Variants in FBXO42 observed in about 807,000 individuals in gnomAD.
FBXO42 encodes the protein F-box protein 42, also known as F-box only protein 42.
Under a neutral mutation model 71.7 loss-of-function variants are expected in FBXO42, and 12 were observed. The ratio of observed to expected loss-of-function variants is 0.17; its 90% CI spans 0.11 to 0.27. The LOEUF (loss-of-function observed/expected upper bound fraction) is 0.27, where lower values mean the gene tolerates loss of function less well. FBXO42 is among the 10% of genes least tolerant of loss of function. The pLI is 1.00. For missense variants in FBXO42, 707 were observed against 911.9 expected, an observed-to-expected ratio of 0.78 and a Z score of 2.89; for synonymous variants, 325 against 327.5, an observed-to-expected ratio of 0.99 and a Z score of 0.08.
chr1:16,253,849 A>G, intron 6 of FBXO42, 118 bp from the exon 7 acceptor site: 1 of 844,806 alleles, frequency 1.2e-6, no homozygotes, highest in Non-Finnish European at 1.9e-6. Context: ...TTTCACTTTC[A>G]CAGACTGTGT....
At chr1:16,350,152 A>C (rs942577915) in intron 1 of FBXO42, among the ~76,000 whole-genome samples, 1 of 152,144 alleles carries the variant, frequency 6.6e-6, no homozygotes, top group African/African-American at 2.4e-5. Context: ...TCTTTTTGTA[A>C]CTAAGGTAAG....
At chr1:16,333,142 C>T (rs2082517863) in intron 1 of FBXO42, among the ~76,000 whole-genome samples, 1 of 152,096 alleles carries the variant, frequency 6.6e-6, no homozygotes, top group African/African-American at 2.4e-5. Flanking sequence ...TTAAGTATTC[C>T]TCTGACCTTC....
intron 4 of FBXO42, among the ~76,000 whole-genome samples, chr1:16,260,239 C>T (rs867644179): frequency 1.5e-4 from 21 of 143,180 alleles, no homozygotes; most frequent in African/African-American, 5.5e-4. Flanking sequence ...GACAGAATCT[C>T]ACTCTGTCAC....
intron 2 of FBXO42, 73 bp downstream of exon 2, chr1:16,315,096 C>G: frequency 6.6e-7 from 1 of 1,507,456 alleles, no homozygotes; most frequent in Non-Finnish European, 8.9e-7. Flanking sequence ...AGGAAAAAAA[C>G]TAAATTTGGA....
At chr1:16,331,442 A>ATAG (rs979749152) in intron 1 of FBXO42, among the ~76,000 whole-genome samples, 3 of 148,754 alleles carry the variant, frequency 2.0e-5, no homozygotes, top group African/African-American at 7.4e-5. Context: ...AATAATAATA[A>ATAG]TAATAATAAT....
intron 1 of FBXO42, among the ~76,000 whole-genome samples, chr1:16,317,945 G>T (rs990175238): frequency 9.9e-5 from 15 of 151,358 alleles, no homozygotes; most frequent in Non-Finnish European, 1.9e-4. Context: ...AGAAGAAGAA[G>T]AATATATACT....
At chr1:16,329,359 G>A (rs180941368) in intron 1 of FBXO42, among the ~76,000 whole-genome samples, 50 of 151,666 alleles carry the variant, frequency 3.3e-4, no homozygotes, top group African/African-American at 1.1e-3. Context: ...TGAGGCGGGT[G>A]GAGTGCCTGA....
chr1:16,253,342 A>T, intron 7 of FBXO42, 190 bp from the exon 8 acceptor site: 1 of 607,154 alleles, frequency 1.6e-6, no homozygotes, highest in Non-Finnish European at 2.9e-6. Flanking sequence ...ATTCACCTGA[A>T]AGGATACATT....
chr1:16,298,730 G>A (rs1415038422), intron 3 of FBXO42, among the ~76,000 whole-genome samples: 5 of 152,102 alleles, frequency 3.3e-5, no homozygotes, highest in Non-Finnish European at 7.4e-5. Flanking sequence ...GGCTGGTCTC[G>A]AATTCCTGAC....
At chr1:16,299,159 G>A (rs771305547) in intron 3 of FBXO42, among the ~76,000 whole-genome samples, 14 of 151,760 alleles carry the variant, frequency 9.2e-5, no homozygotes, top group Non-Finnish European at 1.9e-4. Flanking sequence ...TTACAGGCAT[G>A]TGCCACCATG....
chr1:16,334,393 T>C (rs1456615002), intron 1 of FBXO42, among the ~76,000 whole-genome samples: 1 of 120,162 alleles, frequency 8.3e-6, no homozygotes, highest in African/African-American at 3.3e-5. Flanking sequence ...AGATCGAGCC[T>C]GGGCGACAGA....
chr1:16,344,678 A>T (rs1259295823), intron 1 of FBXO42, among the ~76,000 whole-genome samples: 1 of 152,172 alleles, frequency 6.6e-6, no homozygotes, highest in African/African-American at 2.4e-5. Context: ...CATAGGATAA[A>T]GCAAATAAAT....
chr1:16,315,022 G>GT, intron 2 of FBXO42, 147 bp downstream of exon 2: 2 of 783,846 alleles, frequency 2.6e-6, no homozygotes, highest in Non-Finnish European at 3.9e-6. Context: ...ACTAACCAGG[G>GT]TAAGAAAGAA....
chr1:16,305,204 G>C (rs781719911), intron 3 of FBXO42, among the ~76,000 whole-genome samples: 18 of 151,750 alleles, frequency 1.2e-4, no homozygotes, highest in Non-Finnish European at 2.5e-4. Flanking sequence ...GGGCAATACA[G>C]TGAGACCCCA....
intron 4 of FBXO42, among the ~76,000 whole-genome samples, chr1:16,283,419 GT>G (rs1340799924): frequency 6.6e-6 from 1 of 150,756 alleles, no homozygotes; most frequent in Non-Finnish European, 1.5e-5. Context: ...CTGTGCTCCA[GT>G]ACCAGTTAGT....
At chr1:16,295,629 G>A (rs2082121836) in intron 3 of FBXO42, among the ~76,000 whole-genome samples, 1 of 152,074 alleles carries the variant, frequency 6.6e-6, no homozygotes. Context: ...CTGACCTCAG[G>A]TGATCCACCC....
intron 1 of FBXO42, among the ~76,000 whole-genome samples, chr1:16,326,034 G>GTGTGTGTGTGTGTGTC (rs1553154816): frequency 2.7e-5 from 4 of 150,384 alleles, no homozygotes; most frequent in Non-Finnish European, 4.4e-5. Context: ...GTGTGTGTGT[G>GTGTGTGTGTGTGTGTC]TGTGTGTGTG....
chr1:16,274,596 T>TTG (rs1553150598), intron 4 of FBXO42, among the ~76,000 whole-genome samples: 1 of 111,522 alleles, frequency 9.0e-6, no homozygotes, highest in Non-Finnish European at 1.7e-5. Context: ...CCGTTTTTTT[T>TTG]TTTTTTTTTT....
chr1:16,304,440 A>T (rs566146356), intron 3 of FBXO42, among the ~76,000 whole-genome samples: 64 of 152,074 alleles, frequency 4.2e-4, no homozygotes, highest in African/African-American at 1.5e-3. Flanking sequence ...TTTATAATCG[A>T]CACTTGTCAC....
Sources: gnomAD v4.1 joint callset for allele counts (sites outside exome capture counted in the v4.1 genomes callset) on GRCh38, gnomAD v4.1.1 for gene constraint, MANE v1.5 for transcripts, NCBI Gene and HGNC (gene_info 2026-07-23, HGNC 2026-07-21) for gene names.